Variants in DYNC1H1 observed in about 807,000 individuals in gnomAD.
The protein encoded by DYNC1H1 is dynein cytoplasmic 1 heavy chain 1, also known as cytoplasmic dynein 1 heavy chain 1.
Under a neutral mutation model 527.1 loss-of-function variants are expected in DYNC1H1, and 51 were observed. The ratio of observed to expected loss-of-function variants is 0.10; its 90% CI spans 0.08 to 0.12. DYNC1H1 has a LOEUF of 0.12. Among genes scored for constraint, DYNC1H1 ranks in the 10% least tolerant of loss-of-function variants. The pLI is 1.00. For missense variants in DYNC1H1, 2,771 were observed against 5,971.8 expected, an observed-to-expected ratio of 0.46 and a Z score of 17.66; for synonymous variants, 2,189 against 2,278.8, an observed-to-expected ratio of 0.96 and a Z score of 1.12.
chr14:102,038,982 G>A lies in DYNC1H1; in HGVS notation c.11207-19G>A, dbSNP rs2048610504. On this transcript the variant is annotated intron_variant, in intron 59 of 77. Coordinates refer to ENST00000360184, the MANE Select transcript of DYNC1H1 (RefSeq NM_001376.5). This position sits in a 1 kb window ranked among gnomAD's most constrained non-coding sequence, Gnocchi z 7.2. The stretch of plus-strand genomic sequence containing the variant: ...TTTTGAAGGATTATTGCAAACTCTG[G>A]ATGTTTTATTCATTTAAGGGGAATT... The A allele has an allele frequency of 1.2e-6, 2 of 1,613,876 alleles. No homozygotes were observed. Among genetic ancestry groups the A allele is most frequent in the Non-Finnish European group, 1.7e-6 (2 of 1,180,044 alleles).
At position 101,967,746 on chromosome 14, in the gene DYNC1H1, G is replaced by C. The variant is rs140434292; in HGVS notation, c.256+2799G>C. On this transcript the variant is annotated intron_variant, in intron 1 of 77. Transcript: ENST00000360184. ...TTCCAGCTACTTGAGAAAATTGCTT[G>C]AGCCCAGGAGTTTGACGCTGTGGTG... Among the ~76,000 whole-genome samples the C allele has an allele frequency of 1.3e-5, 2 of 152,296 alleles. 1 individual carries two copies. The highest frequency in any genetic ancestry group is 3.9e-4 in the East Asian group (2 of 5,184).
At chr14:102,009,635 A>G in intron 29 of DYNC1H1, 1 of 665,824 alleles carries the variant, frequency 1.5e-6, no homozygotes, top group Non-Finnish European at 2.5e-6. Context: ...ACACGTGCAC[A>G]TGAGGTACAT....
At position 102,018,880 on chromosome 14, in the gene DYNC1H1, G is replaced by T. The variant is rs141279616; in HGVS notation, c.8343+264G>T. Among the ~76,000 whole-genome samples the T allele has an allele frequency of 2.6e-3, 393 of 152,256 alleles. 1 individual carries two copies. The highest frequency in any genetic ancestry group is 5.4e-3 in the Admixed American group (83 of 15,292). On this transcript the variant is annotated intron_variant, in intron 41 of 77. Transcript: ENST00000360184. This position sits in a 1 kb window ranked among gnomAD's most constrained non-coding sequence, Gnocchi z 5.2. ...GGTGGGAGAGTTGCTTGAACCTGGA[G>T]GCAGAGCTTACGATGAGCCATGATT...
Position 102,001,546 on chromosome 14 carries a change from G to A in DYNC1H1, c.4407G>A (p.Val1469=), listed in dbSNP as rs1056990454. The A allele has an allele frequency of 1.2e-6, 2 of 1,614,164 alleles. No individual in the cohort carries two copies. The highest frequency in any genetic ancestry group is 1.7e-6 in the Non-Finnish European group (2 of 1,180,030). ...LEEFLKQIRE[V]WNTYELDLVN... is the part of the protein sequence containing the mutation. ...TGGTTTGAATTCAGATAAGAGAAGT[G>A]TGGAATACTTATGAACTAGACTTGG... Residue 1469 remains valine, a synonymous_variant, in exon 21 of 78, where the codon GTG becomes GTA. Coordinates refer to ENST00000360184, the MANE Select transcript of DYNC1H1 (RefSeq NM_001376.5). The surrounding 1 kb of genome is among the most constrained non-coding windows in gnomAD (Gnocchi z 5.0).
rs747869675 is a variant in DYNC1H1, at chr14:101,997,219, T to C, written c.3749T>C (p.Val1250Ala). 6.2e-7 allele frequency: 1 copy of C among 1,613,782 alleles called. No homozygotes were observed. Among genetic ancestry groups the C allele is most frequent in the Non-Finnish European group, 8.5e-7 (1 of 1,179,920 alleles). Reference protein sequence around the residue: ...QMKIVQEDRAVESRTTDLLTD... With the variant: ...QMKIVQEDRAAESRTTDLLTD... ...AAGATTGTCCAGGAGGATCGGGCCG[T>C]GGAAAGCCGCACCACCGACCTGCTG... The change falls in exon 16 of 78, where the codon GTG becomes GCG. Residue 1250 changes from valine to alanine, a missense_variant. By Grantham distance (64) the Val-to-Ala change is moderately conservative. Around this residue, in one of 32 missense-constraint regions of DYNC1H1, gnomAD observed 223 missense variants for 462.5 expected, o/e 0.48. Transcript: ENST00000360184. The surrounding 1 kb of genome is among the most constrained non-coding windows in gnomAD (Gnocchi z 4.8).
Position 102,001,461 on chromosome 14 carries a change from A to G in DYNC1H1, c.4396-74A>G. The G allele has an allele frequency of 6.2e-7, 1 of 1,613,646 alleles. No homozygotes were observed. The highest frequency in any genetic ancestry group is 8.5e-7 in the Non-Finnish European group (1 of 1,179,614). On this transcript the variant is annotated intron_variant, in intron 20 of 77. Transcript: ENST00000360184. This position sits in a 1 kb window ranked among gnomAD's most constrained non-coding sequence, Gnocchi z 5.0. ...GTCATCTGTGGTCCTTTTGGTTCTT[A>G]TAATGCTGGGTCCCTTGTGCAGGTA... is the stretch of plus-strand genomic sequence containing the variant.
At position 101,964,700 on chromosome 14, in the gene DYNC1H1, G is replaced by A; in HGVS notation, c.9G>A (p.Glu3=). The A allele has an allele frequency of 6.3e-7, 1 of 1,592,600 alleles. No homozygotes were observed. The highest frequency in any genetic ancestry group is 1.7e-5 in the Admixed American group (1 of 59,238). The change falls in exon 1 of 78, where the codon GAG becomes GAA. Residue 3 remains glutamate (E), a synonymous_variant. Transcript: ENST00000360184. The surrounding 1 kb of genome is among the most constrained non-coding windows in gnomAD (Gnocchi z 5.5). MS[E]PGGGGGEDGS... ...GTCCCGAGCGCGACACCATGTCGGA[G>A]CCCGGGGGCGGCGGCGGCGAGGACG...
At chr14:102,014,530 CAAA>C (rs35266808) in intron 34 of DYNC1H1, among the ~76,000 whole-genome samples, 1 of 114,530 alleles carries the variant, frequency 8.7e-6, no homozygotes, top group African/African-American at 3.1e-5. Context: ...AACTCCATCT[CAAA>C]AAAAAAAAAA....
chr14:102,050,353 G>C, intron 77 of DYNC1H1, 82 bp from the exon 78 acceptor site: 2 of 1,612,526 alleles, frequency 1.2e-6, no homozygotes, highest in Non-Finnish European at 1.7e-6. Flanking sequence ...TCTCCTTGCC[G>C]GGCCCCATCA....
In DYNC1H1 at chr14:102,015,128, G is replaced by A; in HGVS notation, c.7038G>A (p.Gln2346=). 6.2e-7 allele frequency: 1 copy of A among 1,614,252 alleles called. No individual in the cohort carries two copies. Among genetic ancestry groups the A allele is most frequent in the Non-Finnish European group, 8.5e-7 (1 of 1,180,044 alleles). Reference sequence around the variant, plus strand: ...AGGTGAGAATAATGTTTGAGGTACAGGACTTGAAATACGCGACCTTGGCCA... The same window carrying A: ...AGGTGAGAATAATGTTTGAGGTACAAGACTTGAAATACGCGACCTTGGCCA... ...PPNVRIMFEV[Q]DLKYATLATV... The change falls in exon 35 of 78, where the codon CAG becomes CAA. Residue 2346 remains glutamine, a synonymous_variant. Coordinates refer to ENST00000360184, the MANE Select transcript of DYNC1H1 (RefSeq NM_001376.5). This position sits in a 1 kb window ranked among gnomAD's most constrained non-coding sequence, Gnocchi z 6.9.
rs557003680 is a variant in DYNC1H1, at chr14:102,025,003, C to A, written c.8638-1571C>A. Among the ~76,000 whole-genome samples the A allele has an allele frequency of 4.0e-5, 6 of 150,484 alleles. No homozygotes were observed. In the South Asian group the frequency reaches 1.3e-3, roughly 33 times the overall value. ...ACCACTGCACCCAGCCATTTTTTTA[C>A]TCTTTATAAGGTCTTTTGAAGAACA... is the stretch of plus-strand genomic sequence containing the variant. On this transcript the variant is annotated intron_variant, in intron 43 of 77. Transcript: ENST00000360184.
At position 102,053,402 on chromosome 14, in the gene DYNC1H1, C is replaced by G. The variant is rs1233787829; in HGVS notation, c.*2839C>G. ...TCAGCCTCCCAAGGTGCTGGGATTA[C>G]AGGTGTGAGCCACCACGCCTGGCCG... On this transcript the variant is annotated 3_prime_UTR_variant, in exon 78 of 78. Coordinates refer to ENST00000360184, the MANE Select transcript of DYNC1H1 (RefSeq NM_001376.5). 1 of 152,102 alleles carries G rather than the reference C, an allele frequency of 6.6e-6. No homozygotes were observed. Among genetic ancestry groups the G allele is most frequent in the African/African-American group, 2.4e-5 (1 of 41,382 alleles). The allele number at this position is 152,102 out of a possible 1,614,324, so 9.4% of individuals were successfully genotyped here.
intron 4 of DYNC1H1, 66 bp from the exon 5 acceptor site, chr14:101,980,298 G>C: frequency 6.3e-7 from 1 of 1,579,672 alleles, no homozygotes; most frequent in South Asian, 1.1e-5. Flanking sequence ...CATGTGTTTT[G>C]TTAACGATAT....
At chr14:102,026,499 G>A in intron 43 of DYNC1H1, 75 bp from the exon 44 acceptor site, 2 of 1,498,466 alleles carry the variant, frequency 1.3e-6, no homozygotes, top group South Asian at 2.3e-5. Flanking sequence ...CATGGTATGT[G>A]GACATACAGT....
intron 42 of DYNC1H1, among the ~76,000 whole-genome samples, chr14:102,022,185 TGTAA>T (rs566607139): frequency 4.9e-4 from 75 of 151,750 alleles, no homozygotes; most frequent in African/African-American, 1.6e-3. Context: ...GTTGCCAGGC[TGTAA>T]GTAAGTAAGT....
intron 29 of DYNC1H1, among the ~76,000 whole-genome samples, chr14:102,008,766 C>G (rs1403547635): frequency 9.2e-5 from 14 of 152,116 alleles, no homozygotes; most frequent in Admixed American, 9.2e-4. Context: ...CCAGCCTAGG[C>G]AACAGAGCAA....
chr14:102,034,659 T>C, intron 56 of DYNC1H1: 1 of 849,222 alleles, frequency 1.2e-6, no homozygotes, highest in Non-Finnish European at 1.8e-6. Context: ...GAATGCTTCT[T>C]GTAACCTTCT....
Position 102,001,640 on chromosome 14 carries a change from A to G in DYNC1H1, c.4501A>G (p.Ile1501Val). 1.9e-6 allele frequency: 3 copies of G among 1,614,238 alleles called. No homozygotes were observed. The highest frequency in any genetic ancestry group is 2.5e-6 in the Non-Finnish European group (3 of 1,180,046). The change falls in exon 21 of 78, where the codon ATC (isoleucine) becomes GTC (valine). Residue 1501 changes from isoleucine to valine, a missense_variant. Ile to Val is a conservative substitution (Grantham distance 29). Coordinates refer to ENST00000360184, the MANE Select transcript of DYNC1H1 (RefSeq NM_001376.5). The surrounding 1 kb of genome is among the most constrained non-coding windows in gnomAD (Gnocchi z 5.0). ...CCTCTTCAACAAGGTCAAAGAACAC[A>G]TCAACAGCGTCTCGGCCATGAAGCT... Reference protein sequence around the residue: ...DDLFNKVKEHINSVSAMKLSP... With the variant: ...DDLFNKVKEHVNSVSAMKLSP...
chr14:101,997,635 T>C lies in DYNC1H1; in HGVS notation c.3804+361T>C, dbSNP rs1293279804. Among the ~76,000 whole-genome samples the C allele has an allele frequency of 6.6e-6, 1 of 152,218 alleles. No homozygotes were observed. The highest frequency in any genetic ancestry group is 1.5e-5 in the Non-Finnish European group (1 of 68,034). The stretch of plus-strand genomic sequence containing the variant: ...TAATTTTGGTTGGATGGTCTCTGTT[T>C]TTGCCAGTGCTGCCAGTGGATTGTG... On this transcript the variant is annotated intron_variant, in intron 16 of 77. Coordinates refer to ENST00000360184, the MANE Select transcript of DYNC1H1 (RefSeq NM_001376.5). This position sits in a 1 kb window ranked among gnomAD's most constrained non-coding sequence, Gnocchi z 4.8.
Sources: allele counts gnomAD v4.1 joint callset (sites outside exome capture counted in the v4.1 genomes callset), GRCh38; gene constraint gnomAD v4.1.1; regional missense constraint gnomAD v4.1.1; non-coding constraint Gnocchi (gnomAD v3.1); transcripts MANE v1.5; gene names NCBI Gene and HGNC (gene_info 2026-07-23, HGNC 2026-07-21).